The following ROBO2 variants were observed in gnomAD, a reference collection of about 807,000 sequenced individuals.
The protein encoded by ROBO2 is roundabout guidance receptor 2, also known as roundabout homolog 2.
ROBO2 carries 53 observed loss-of-function variants against 160.8 expected under a neutral mutation model. The observed-to-expected ratio is 0.33, with a 90% confidence interval of 0.26 to 0.41. ROBO2 has a LOEUF of 0.41. ROBO2 is among the 10% of genes least tolerant of loss of function. The pLI is 1.00. For synonymous variants in ROBO2, 664 were observed against 611.7 expected (o/e 1.09, Z -1.26); for missense variants, 1,577 against 1,722.4 (o/e 0.92, Z 1.49).
intron 2 of ROBO2, among the ~76,000 whole-genome samples, chr3:76,055,116 A>G (rs1384937259): frequency 2.6e-5 from 4 of 152,188 alleles, no homozygotes; most frequent in Admixed American, 6.5e-5. Flanking sequence ...ACATGGCGGC[A>G]GGGAAGAGGG....
intron 2 of ROBO2, among the ~76,000 whole-genome samples, chr3:77,243,749 T>C (rs759172613): frequency 1.3e-5 from 2 of 152,204 alleles, no homozygotes; most frequent in Non-Finnish European, 2.9e-5. Flanking sequence ...AGTGTTATGA[T>C]CTATGACACA....
intron 2 of ROBO2, among the ~76,000 whole-genome samples, chr3:76,603,371 TA>T (rs1347962349): frequency 4.4e-5 from 6 of 136,718 alleles, no homozygotes; most frequent in African/African-American, 1.7e-4. Context: ...TATATATATA[TA>T]TATATATATA....
At chr3:76,709,156 T>C (rs79822230) in intron 2 of ROBO2, among the ~76,000 whole-genome samples, 2,986 of 152,270 alleles carry the variant, frequency 0.02, 48 homozygotes, top group Admixed American at 0.04. Context: ...CATTAAACAG[T>C]CATTGAAAAT....
At chr3:77,196,835 G>A (rs539819514) in intron 2 of ROBO2, among the ~76,000 whole-genome samples, 1 of 151,826 alleles carries the variant, frequency 6.6e-6, no homozygotes, top group South Asian at 2.1e-4. Context: ...GGTACAAGTA[G>A]GAAATAGATT....
chr3:76,408,539 C>G (rs1472262637), intron 2 of ROBO2, among the ~76,000 whole-genome samples: 3 of 151,982 alleles, frequency 2.0e-5, no homozygotes, highest in African/African-American at 7.2e-5. Context: ...TATACTTAAG[C>G]AAATCTATTC....
chr3:76,171,524 C>T lies in ROBO2; in HGVS notation c.109+233922C>T, dbSNP rs552164850. 3.0e-4 allele frequency among the ~76,000 whole-genome samples: 45 copies of T among 152,076 alleles called. No individual in the cohort carries two copies. The South Asian group carries it at 9.2e-3, about 31-fold the overall frequency. On this transcript the variant is annotated intron_variant, in intron 2 of 26. Transcript: ENST00000487694. ...CCAGGAACTTTATAATGATTATGGT[C>T]AGCAAAATCCAGTCAAAGGACCGGG...
rs992315011 is a variant in ROBO2 at position 77,040,717 on chromosome 3, C to T, written c.-69C>T. On this transcript the variant is annotated 5_prime_UTR_variant, in exon 1 of 26. Transcript: ENST00000461745. ...TTTGGACCTACCTCTTTTTTTGATA[C>T]TCATTTTTGTACTTTTGCTCTCTGG... is the stretch of plus-strand genomic sequence containing the variant. 1.5e-5 allele frequency: 24 copies of T among 1,609,594 alleles called. No homozygotes were observed. In the East Asian group the frequency reaches 4.5e-4, roughly 30 times the overall value.
intron 2 of ROBO2, among the ~76,000 whole-genome samples, chr3:76,804,761 C>T (rs1388785029): frequency 2.0e-5 from 3 of 152,142 alleles, no homozygotes; most frequent in African/African-American, 7.2e-5. Flanking sequence ...TTAACGTTTA[C>T]TGAGTACTAA....
chr3:76,241,010 C>A, intron 2 of ROBO2, among the ~76,000 whole-genome samples: 1 of 152,138 alleles, frequency 6.6e-6, no homozygotes, highest in Non-Finnish European at 1.5e-5. Flanking sequence ...GAGGACATTT[C>A]CATAGAAAGA....
chr3:77,489,337 C>T (rs1560979123), intron 4 of ROBO2, among the ~76,000 whole-genome samples: 1 of 152,134 alleles, frequency 6.6e-6, no homozygotes, highest in Non-Finnish European at 1.5e-5. Context: ...ACATATGCTC[C>T]TGTGGTTATC....
intron 2 of ROBO2, among the ~76,000 whole-genome samples, chr3:77,399,334 T>C (rs1355040461): frequency 6.6e-6 from 1 of 152,198 alleles, no homozygotes; most frequent in Non-Finnish European, 1.5e-5. Flanking sequence ...CACATATTCC[T>C]TGGTGACAAG....
chr3:76,866,102 T>C (rs2071345075), intron 2 of ROBO2, among the ~76,000 whole-genome samples: 1 of 152,100 alleles, frequency 6.6e-6, no homozygotes, highest in African/African-American at 2.4e-5. Context: ...TCCATTTAAT[T>C]TTATCAAAGA....
intron 2 of ROBO2, among the ~76,000 whole-genome samples, chr3:76,058,120 A>G (rs184811157): frequency 1.1e-3 from 171 of 151,924 alleles, no homozygotes; most frequent in Middle Eastern, 0.01. Context: ...TTCTTAAACT[A>G]TACTTTCAGT....
chr3:76,529,342 G>A (rs1221073498), intron 2 of ROBO2, among the ~76,000 whole-genome samples: 1 of 152,098 alleles, frequency 6.6e-6, no homozygotes, highest in Non-Finnish European at 1.5e-5. Context: ...TTCCAGGCCA[G>A]ATTGGAGTAT....
chr3:76,412,541 C>A (rs193195472), intron 2 of ROBO2, among the ~76,000 whole-genome samples: 5 of 152,168 alleles, frequency 3.3e-5, no homozygotes, highest in Admixed American at 3.3e-4. Flanking sequence ...GCACAGGTAT[C>A]GGGTAAATAC....
chr3:77,542,294 C>A (rs1204526205), intron 6 of ROBO2, among the ~76,000 whole-genome samples: 1 of 124,578 alleles, frequency 8.0e-6, no homozygotes, highest in Non-Finnish European at 1.8e-5. Flanking sequence ...TTTGGTCCAC[C>A]TTCAGGTGAT....
intron 2 of ROBO2, among the ~76,000 whole-genome samples, chr3:76,820,082 C>T (rs973076057): frequency 6.6e-6 from 1 of 151,992 alleles, no homozygotes; most frequent in African/African-American, 2.4e-5. Flanking sequence ...TCAATATCGC[C>T]CTGCTAACAT....
At chr3:76,674,597 T>TACACAC (rs1295641908) in intron 2 of ROBO2, among the ~76,000 whole-genome samples, 1 of 33,678 alleles carries the variant, frequency 3.0e-5, no homozygotes, top group East Asian at 1.2e-3. Context: ...CACCTCCTAG[T>TACACAC]TCACACACAC....
At chr3:76,035,247 T>A (rs1221846976) in intron 2 of ROBO2, among the ~76,000 whole-genome samples, 1 of 151,612 alleles carries the variant, frequency 6.6e-6, no homozygotes, top group East Asian at 1.9e-4. Flanking sequence ...ACATATTTGG[T>A]ATTTAAGAAA....
Sources: gnomAD v4.1 joint callset for allele counts (sites outside exome capture counted in the v4.1 genomes callset) on GRCh38, gnomAD v4.1.1 for gene constraint, MANE v1.5 for transcripts, NCBI Gene and HGNC (gene_info 2026-07-23, HGNC 2026-07-21) for gene names.